Variants in ATP8A2 observed in about 807,000 individuals in gnomAD.
The protein encoded by ATP8A2 is phospholipid-transporting ATPase IB.
Under a neutral mutation model 165.6 loss-of-function variants are expected in ATP8A2, and 100 were observed. The observed-to-expected ratio is 0.60, with a 90% CI of 0.51 to 0.71. The LOEUF is 0.71. Among genes scored for constraint, ATP8A2 ranks in the 30% least tolerant of loss-of-function variants. The pLI, the probability that ATP8A2 is intolerant of heterozygous loss-of-function variation, is 0.00. For missense variants in ATP8A2, 1,227 were observed against 1,479.5 expected (o/e 0.83, Z 2.80); for synonymous variants, 543 against 548.8 (o/e 0.99, Z 0.15).
intron 1 of ATP8A2, among the ~76,000 whole-genome samples, chr13:25,417,724 G>A (rs1027432451): frequency 2.6e-5 from 4 of 152,344 alleles, no homozygotes; most frequent in Non-Finnish European, 4.4e-5. Flanking sequence ...AGAAGCAATA[G>A]CACAATTCTG....
intron 1 of ATP8A2, among the ~76,000 whole-genome samples, chr13:25,456,613 G>A (rs1043274758): frequency 6.6e-6 from 1 of 152,180 alleles, no homozygotes; most frequent in Non-Finnish European, 1.5e-5. Flanking sequence ...TGAGTAGTAG[G>A]CAGGCAGAGA....
chr13:25,801,065 C>T (rs1340614213), intron 27 of ATP8A2, among the ~76,000 whole-genome samples: 2 of 152,202 alleles, frequency 1.3e-5, no homozygotes, highest in East Asian at 1.9e-4. Context: ...AGGAAAACAT[C>T]GGGTTATTGT....
intron 24 of ATP8A2, among the ~76,000 whole-genome samples, chr13:25,692,910 T>C (rs1159077918): frequency 6.6e-6 from 1 of 152,182 alleles, no homozygotes; most frequent in Non-Finnish European, 1.5e-5. Flanking sequence ...GAAAATACAA[T>C]TGTAGAACAT....
intron 24 of ATP8A2, among the ~76,000 whole-genome samples, chr13:25,630,642 A>G (rs988074284): frequency 2.0e-5 from 3 of 152,196 alleles, no homozygotes; most frequent in African/African-American, 7.2e-5. Context: ...CCTTGAGGGA[A>G]TGGGCTCTAC....
At chr13:25,703,682 C>A (rs753098836) in intron 25 of ATP8A2, among the ~76,000 whole-genome samples, 2 of 152,268 alleles carry the variant, frequency 1.3e-5, no homozygotes, top group East Asian at 3.9e-4. Flanking sequence ...AGAAGCCAGT[C>A]ACAAAAGACC....
intron 25 of ATP8A2, among the ~76,000 whole-genome samples, chr13:25,704,337 CT>C (rs67458818): frequency 0.01 from 1,421 of 137,610 alleles, 12 homozygotes; most frequent in African/African-American, 0.028. Context: ...ACATCTAGGA[CT>C]TTTTTTTTTT....
Position 25,953,722 on chromosome 13 carries a change from G to C in ATP8A2, c.3184-7853G>C, listed in dbSNP as rs941006055. Among the ~76,000 whole-genome samples, 1 of 152,002 alleles carries C rather than the reference G, an allele frequency of 6.6e-6. No homozygotes were observed. Among genetic ancestry groups the C allele is most frequent in the Non-Finnish European group, 1.5e-5 (1 of 68,014 alleles). ...GGAGGGCAAGCCGAAGCAGGGTGGG[G>C]CGTTGCCTCACCCGGGAAGCACAGG... On this transcript the variant is annotated intron_variant, in intron 33 of 36. Transcript: ENST00000381655. The surrounding 1 kb of genome is among the most constrained non-coding windows in gnomAD (Gnocchi z 6.7).
intron 35 of ATP8A2, among the ~76,000 whole-genome samples, chr13:26,003,166 T>C (rs1956670023): frequency 6.6e-6 from 1 of 152,086 alleles, no homozygotes; most frequent in Admixed American, 6.5e-5. Flanking sequence ...GGTTCCTTTT[T>C]CTCTGCATTC....
intron 24 of ATP8A2, among the ~76,000 whole-genome samples, chr13:25,655,702 G>A (rs1459877083): frequency 6.7e-6 from 1 of 150,330 alleles, no homozygotes; most frequent in Admixed American, 6.7e-5. Flanking sequence ...TGCTTCCCAA[G>A]CTTGTGGCCC....
At chr13:25,753,418 T>A (rs2044196119) in intron 25 of ATP8A2, among the ~76,000 whole-genome samples, 1 of 152,206 alleles carries the variant, frequency 6.6e-6, no homozygotes, top group Non-Finnish European at 1.5e-5. Context: ...CTTTGTTGCA[T>A]ACAGTCCTCT....
At chr13:25,794,881 C>T (rs1950467816) in intron 27 of ATP8A2, among the ~76,000 whole-genome samples, 1 of 143,888 alleles carries the variant, frequency 6.9e-6, no homozygotes, top group Non-Finnish European at 1.5e-5. Flanking sequence ...TCTCTGCCTG[C>T]CCCCACCATC....
intron 35 of ATP8A2, among the ~76,000 whole-genome samples, chr13:25,985,390 G>A (rs1956259406): frequency 6.6e-6 from 1 of 152,112 alleles, no homozygotes; most frequent in Admixed American, 6.5e-5. Context: ...ATATACTCAT[G>A]GTTCCTTAAA....
At chr13:25,904,518 G>A (rs557990872) in intron 33 of ATP8A2, among the ~76,000 whole-genome samples, 6 of 152,258 alleles carry the variant, frequency 3.9e-5, no homozygotes, top group East Asian at 1.9e-4. Context: ...CCTGCCTGCC[G>A]GAAGCGCTGT....
chr13:25,374,993 G>A (rs1263380668), intron 1 of ATP8A2, among the ~76,000 whole-genome samples: 1 of 152,134 alleles, frequency 6.6e-6, no homozygotes, highest in African/African-American at 2.4e-5. Context: ...TTTCTTGTCT[G>A]AGCCATCTTT....
chr13:25,930,546 G>A (rs543531610), intron 33 of ATP8A2, among the ~76,000 whole-genome samples: 2 of 152,164 alleles, frequency 1.3e-5, no homozygotes, highest in South Asian at 2.1e-4. Context: ...CTCTGCAATG[G>A]CATCAAAATG....
At chr13:25,768,084 G>T (rs1276957328) in intron 25 of ATP8A2, among the ~76,000 whole-genome samples, 138 of 133,526 alleles carry the variant, frequency 1.0e-3, no homozygotes, top group Non-Finnish European at 1.7e-3. Flanking sequence ...CGTGGGGGGG[G>T]GGTGGTGGGG....
intron 25 of ATP8A2, among the ~76,000 whole-genome samples, chr13:25,721,762 T>C (rs1322617186): frequency 1.3e-5 from 2 of 152,372 alleles, no homozygotes; most frequent in East Asian, 3.9e-4. Flanking sequence ...TCCACATCCA[T>C]GTATGTGTGC....
rs1477377199 is a variant in ATP8A2 at position 25,655,413 on chromosome 13, C to A, written c.2212-43760C>A. Among the ~76,000 whole-genome samples, 5 of 152,338 alleles carry A rather than the reference C, an allele frequency of 3.3e-5. No individual in the cohort carries two copies. In the East Asian group the frequency reaches 9.7e-4, roughly 29 times the overall value. ...ACCTCAGGTGATCCACCCACCTCGG[C>A]CTCCCAAAGTTTTGGGATTACAGGC... On this transcript the variant is annotated intron_variant, in intron 24 of 36. Coordinates refer to ENST00000381655, the MANE Select transcript of ATP8A2 (RefSeq NM_016529.6).
At chr13:25,982,178 C>T (rs1256240889) in intron 35 of ATP8A2, among the ~76,000 whole-genome samples, 1 of 152,170 alleles carries the variant, frequency 6.6e-6, no homozygotes, top group Non-Finnish European at 1.5e-5. Flanking sequence ...TCAGAAAGCA[C>T]TTGCTCTTTA....
Sources: allele counts gnomAD v4.1 joint callset (sites outside exome capture counted in the v4.1 genomes callset), GRCh38; gene constraint gnomAD v4.1.1; non-coding constraint Gnocchi (gnomAD v3.1); transcripts MANE v1.5; gene names NCBI Gene and HGNC (gene_info 2026-07-23, HGNC 2026-07-21).